The following DAAM1 variants were observed in gnomAD, a reference collection of about 807,000 sequenced individuals.
DAAM1 encodes the protein dishevelled associated activator of morphogenesis 1.
A neutral mutation model predicts 130.0 loss-of-function variants in DAAM1; 52 were observed. That is an observed-to-expected ratio of 0.40 (90% CI 0.32 to 0.50). The LOEUF (loss-of-function observed/expected upper bound fraction) is 0.50, where lower values mean the gene tolerates loss of function less well. Among genes scored for constraint, DAAM1 ranks in the 20% least tolerant of loss-of-function variants. The pLI is 0.61. For missense variants in DAAM1, 1,134 were observed against 1,303.8 expected (o/e 0.87, Z 2.01); for synonymous variants, 452 against 444.5 (o/e 1.02, Z -0.21).
intron 17 of DAAM1, among the ~76,000 whole-genome samples, chr14:59,349,448 G>T (rs1886203826): frequency 6.6e-6 from 1 of 152,220 alleles, no homozygotes; most frequent in Admixed American, 6.5e-5. Flanking sequence ...TTTTGACCTG[G>T]CCTGTCCTGA....
chr14:59,298,512 G>T (rs1884045415), intron 3 of DAAM1, among the ~76,000 whole-genome samples: 1 of 152,146 alleles, frequency 6.6e-6, no homozygotes, highest in Admixed American at 6.5e-5. Flanking sequence ...AACCCACTGA[G>T]GGCATGTTTC....
Position 59,288,858 on chromosome 14 carries a change from A to C in DAAM1, c.184-2359A>C, listed in dbSNP as rs1051428388. Among the ~76,000 whole-genome samples, 374 of 141,806 alleles carry C rather than the reference A, an allele frequency of 2.6e-3. 5 individuals carry two copies. The highest frequency in any genetic ancestry group is 8.5e-3 in the African/African-American group (343 of 40,316). 93.0% of individuals were successfully genotyped at this position (141,806 alleles called of 152,430 possible). ...GAGAGAGAGAGAGAGAGAGAGAGAG[A>C]GAGCGCGCGAAGGGGGCAGTACCAC... On this transcript the variant is annotated intron_variant, in intron 2 of 24. Transcript: ENST00000360909.
chr14:59,293,125 T>C (rs905925263), intron 3 of DAAM1, among the ~76,000 whole-genome samples: 2 of 152,134 alleles, frequency 1.3e-5, no homozygotes, highest in Admixed American at 6.6e-5. Context: ...TTTTGGCTCA[T>C]CCTAGTGTAG....
intron 1 of DAAM1, among the ~76,000 whole-genome samples, chr14:59,254,856 C>T (rs570353662): frequency 2.8e-4 from 43 of 152,318 alleles, no homozygotes; most frequent in African/African-American, 1.0e-3. Context: ...TTGCTGCTTA[C>T]ATGCAGAGTT....
At chr14:59,325,249 A>G (rs1465360544) in intron 8 of DAAM1, among the ~76,000 whole-genome samples, 1 of 152,154 alleles carries the variant, frequency 6.6e-6, no homozygotes, top group Non-Finnish European at 1.5e-5. Flanking sequence ...TAGAATACAT[A>G]GTAGGAGCTC....
intron 3 of DAAM1, among the ~76,000 whole-genome samples, chr14:59,292,876 A>G (rs948090530): frequency 2.6e-5 from 4 of 152,230 alleles, no homozygotes; most frequent in Non-Finnish European, 5.9e-5. Flanking sequence ...TTCTCTTTGT[A>G]TACATTGAAC....
rs182400824 is a variant in DAAM1, at chr14:59,280,825, A to G, written c.184-10392A>G. Among the ~76,000 whole-genome samples, 7 of 152,282 alleles carry G rather than the reference A, an allele frequency of 4.6e-5. No individual in the cohort carries two copies. The East Asian group carries it at 1.2e-3, about 25-fold the overall frequency. On this transcript the variant is annotated intron_variant, in intron 2 of 24. Coordinates refer to ENST00000360909, the MANE Select transcript of DAAM1 (RefSeq NM_001270520.2). ...TGGTGGGCCCTTGGAAAAGGGGAACAGCATGTGCAAACTTTCAGAAGTTGG... is the reference window on the plus strand; with the variant it reads ...TGGTGGGCCCTTGGAAAAGGGGAACGGCATGTGCAAACTTTCAGAAGTTGG...
At chr14:59,343,860 A>G (rs1885950032) in intron 16 of DAAM1, among the ~76,000 whole-genome samples, 1 of 152,184 alleles carries the variant, frequency 6.6e-6, no homozygotes, top group African/African-American at 2.4e-5. Context: ...GTGCATTTGA[A>G]TGGGGAGCTC....
chr14:59,326,101 G>C (rs1478493058), intron 10 of DAAM1, 24 bp downstream of exon 10: 7 of 1,598,214 alleles, frequency 4.4e-6, no homozygotes, highest in Non-Finnish European at 5.1e-6. Context: ...TGACTCACAT[G>C]TGTGCTTCTG....
chr14:59,347,263 C>T (rs528161576), intron 16 of DAAM1, among the ~76,000 whole-genome samples: 2 of 152,248 alleles, frequency 1.3e-5, no homozygotes, highest in South Asian at 4.1e-4. Flanking sequence ...GGTATTTTCC[C>T]TAATTCTAAT....
intron 16 of DAAM1, 130 bp from the exon 17 acceptor site, chr14:59,347,409 G>A (rs1172662492): frequency 1.2e-6 from 1 of 828,208 alleles, no homozygotes; most frequent in Admixed American, 2.3e-5. Context: ...ATATTGTCAG[G>A]AAATAAGCTT....
In DAAM1 at chr14:59,218,133, C is replaced by CA. The variant is rs1388950948; in HGVS notation, c.-38+29372dup. On this transcript the variant is annotated intron_variant, in intron 1 of 24. Transcript: ENST00000360909. ...GGGTGACAGAGGAAGATCTCATCTC[C>CA]AAAAAAAGAAAAAAATTCAAGATTA... Among the ~76,000 whole-genome samples, 33 of 151,370 alleles carry CA rather than the reference C, an allele frequency of 2.2e-4. 1 individual carries two copies. The highest frequency in any genetic ancestry group is 8.5e-4 in the Admixed American group (13 of 15,214).
intron 6 of DAAM1, among the ~76,000 whole-genome samples, chr14:59,323,828 C>G (rs1322515576): frequency 1.3e-5 from 2 of 151,756 alleles, no homozygotes; most frequent in Non-Finnish European, 2.9e-5. Flanking sequence ...GTCAGGAGAT[C>G]GAGACTGTCC....
intron 1 of DAAM1, among the ~76,000 whole-genome samples, chr14:59,194,813 A>T (rs770143124): frequency 2.9e-4 from 44 of 152,240 alleles, no homozygotes; most frequent in Non-Finnish European, 1.0e-4. Flanking sequence ...ATTCTTTTAA[A>T]CCATAGCCAC....
chr14:59,317,420 A>G (rs75167277), intron 4 of DAAM1, among the ~76,000 whole-genome samples: 277 of 152,246 alleles, frequency 1.8e-3, no homozygotes, highest in Middle Eastern at 6.8e-3. Context: ...GCTAATCACT[A>G]TGATGTCTGT....
intron 1 of DAAM1, among the ~76,000 whole-genome samples, chr14:59,250,521 G>C (rs1012773697): frequency 1.3e-5 from 2 of 152,150 alleles, no homozygotes; most frequent in African/African-American, 4.8e-5. Flanking sequence ...AACAACTAAG[G>C]AGTTATTGAG....
At chr14:59,287,908 T>C (rs1883532713) in intron 2 of DAAM1, among the ~76,000 whole-genome samples, 1 of 152,152 alleles carries the variant, frequency 6.6e-6, no homozygotes, top group Non-Finnish European at 1.5e-5. Flanking sequence ...TTTCACAGAA[T>C]TAGAAAAAAG....
At chr14:59,254,684 CAG>C (rs1881793340) in intron 1 of DAAM1, among the ~76,000 whole-genome samples, 1 of 152,126 alleles carries the variant, frequency 6.6e-6, no homozygotes, top group South Asian at 2.1e-4. Context: ...TCTTGGCTTC[CAG>C]ACTCTGGTTT....
rs756043478 is a variant in DAAM1 at position 59,326,923 on chromosome 14, T to C, written c.1314-10T>C. On this transcript the variant is annotated splice_polypyrimidine_tract_variant and intron_variant, in intron 11 of 24. Coordinates refer to ENST00000360909, the MANE Select transcript of DAAM1 (RefSeq NM_001270520.2). The stretch of plus-strand genomic sequence containing the variant: ...TTTTTGTAATAAATGCTCCTTGAAC[T>C]CTTACACAGGTTGGTTAATGAAAAT... The C allele has an allele frequency of 5.3e-5, 85 of 1,613,758 alleles. No individual in the cohort carries two copies. In the Admixed American group the frequency reaches 1.4e-3, roughly 27 times the overall value.
Sources: gnomAD v4.1 joint callset for allele counts (sites outside exome capture counted in the v4.1 genomes callset) on GRCh38, gnomAD v4.1.1 for gene constraint, MANE v1.5 for transcripts, NCBI Gene and HGNC (gene_info 2026-07-23, HGNC 2026-07-21) for gene names.